Variants in HYCC1 observed in about 807,000 individuals in gnomAD.
The protein encoded by HYCC1 is hyccin.
At chr7:22,913,932 G>A in the HYCC1 span, among the ~76,000 whole-genome samples, 1 of 152,194 alleles carries the variant, frequency 6.6e-6, no homozygotes, top group Non-Finnish European at 1.5e-5. Context: ...CAGGTCCTCA[G>A]AACAACCAGC....
the HYCC1 span, chr7:22,938,597 T>A: frequency 6.6e-6 from 1 of 152,182 alleles, no homozygotes; most frequent in Non-Finnish European, 1.5e-5. Context: ...TAGAATCATT[T>A]TTCTATGTCA....
the HYCC1 span, among the ~76,000 whole-genome samples, chr7:22,927,244 C>A: frequency 2.2e-4 from 34 of 151,798 alleles, no homozygotes; most frequent in Admixed American, 2.2e-3. Flanking sequence ...AGATCTAAAA[C>A]TGACACCCTA....
At chr7:22,964,892 T>G in the HYCC1 span, among the ~76,000 whole-genome samples, 1 of 152,216 alleles carries the variant, frequency 6.6e-6, no homozygotes, top group Middle Eastern at 3.4e-3. Context: ...CTCAACACTT[T>G]GGGAGGCCAA....
At chr7:23,001,980 C>T in the HYCC1 span, among the ~76,000 whole-genome samples, 3 of 151,324 alleles carry the variant, frequency 2.0e-5, no homozygotes, top group South Asian at 4.2e-4. Context: ...GGGAAAACTG[C>T]CTCCAAACGA....
At chr7:23,002,156 A>ACACAAT in the HYCC1 span, among the ~76,000 whole-genome samples, 3 of 24,444 alleles carry the variant, frequency 1.2e-4, no homozygotes, top group Admixed American at 1.1e-3. Flanking sequence ...ATATATATAT[A>ACACAAT]TATATATATA....
At chr7:22,940,000 T>C in the HYCC1 span, 2 of 152,190 alleles carry the variant, frequency 1.3e-5, no homozygotes, top group Non-Finnish European at 2.9e-5. Context: ...AAAGTCGGGT[T>C]GTAGGAGGTG....
At chr7:22,914,413 G>C in the HYCC1 span, among the ~76,000 whole-genome samples, 3 of 151,856 alleles carry the variant, frequency 2.0e-5, no homozygotes, top group African/African-American at 7.3e-5. Flanking sequence ...TTCTCCCTTA[G>C]CCTGTGTTCT....
At chr7:22,976,879 T>C in the HYCC1 span, 3 of 874,284 alleles carry the variant, frequency 3.4e-6, no homozygotes, top group African/African-American at 5.0e-5. Context: ...AGAATATATA[T>C]ATACCACTAA....
chr7:22,975,459 C>T, the HYCC1 span, among the ~76,000 whole-genome samples: 11 of 152,170 alleles, frequency 7.2e-5, no homozygotes, highest in African/African-American at 2.6e-4. Context: ...TATTTTATAA[C>T]CCCTTGGCTC....
the HYCC1 span, among the ~76,000 whole-genome samples, chr7:22,974,245 C>T: frequency 3.6e-4 from 55 of 152,238 alleles, no homozygotes; most frequent in African/African-American, 1.3e-3. Flanking sequence ...AATTATTTTC[C>T]TTCCCTTCCA....
At chr7:22,968,328 A>G in the HYCC1 span, among the ~76,000 whole-genome samples, 1 of 152,162 alleles carries the variant, frequency 6.6e-6, no homozygotes, top group African/African-American at 2.4e-5. Context: ...CCCCACTTGC[A>G]GGATAGAAGG....
the HYCC1 span, chr7:22,942,784 C>T: frequency 6.6e-6 from 1 of 152,184 alleles, no homozygotes; most frequent in Admixed American, 6.5e-5. Flanking sequence ...TTTGAAAGTT[C>T]AGTGGGGAGA....
At chr7:22,986,851 A>C in the HYCC1 span, among the ~76,000 whole-genome samples, 10 of 152,114 alleles carry the variant, frequency 6.6e-5, no homozygotes, top group African/African-American at 1.9e-4. Context: ...CTGTCTCAAA[A>C]AACAACAACA....
the HYCC1 span, among the ~76,000 whole-genome samples, chr7:22,960,943 C>G: frequency 1.3e-5 from 2 of 152,062 alleles, no homozygotes; most frequent in Non-Finnish European, 2.9e-5. Flanking sequence ...CCCAGCTACT[C>G]GGGAGGCCGA....
chr7:22,967,371 C>T, the HYCC1 span, among the ~76,000 whole-genome samples: 1 of 152,114 alleles, frequency 6.6e-6, no homozygotes, highest in Non-Finnish European at 1.5e-5. Flanking sequence ...TAGGAAAGTT[C>T]AAAGGCAGAG....
At chr7:22,907,519 A>G in the HYCC1 span, among the ~76,000 whole-genome samples, 1 of 152,196 alleles carries the variant, frequency 6.6e-6, no homozygotes. Flanking sequence ...AATGAGCCAA[A>G]TATTTTCCTG....
chr7:22,918,290 C>T, the HYCC1 span, among the ~76,000 whole-genome samples: 1 of 152,148 alleles, frequency 6.6e-6, no homozygotes, highest in Non-Finnish European at 1.5e-5. Flanking sequence ...TCAATTCATA[C>T]AAAACCATAT....
the HYCC1 span, among the ~76,000 whole-genome samples, chr7:22,915,126 A>C: frequency 1.3e-5 from 2 of 152,136 alleles, no homozygotes. Flanking sequence ...CCAGAAGGCC[A>C]TCTTATTCTC....
the HYCC1 span, among the ~76,000 whole-genome samples, chr7:22,981,175 G>C: frequency 6.6e-6 from 1 of 152,082 alleles, no homozygotes; most frequent in African/African-American, 2.4e-5. Context: ...TCACTAACTA[G>C]AAAACAAGTT....
Sources: allele counts gnomAD v4.1 joint callset (sites outside exome capture counted in the v4.1 genomes callset), GRCh38; gene constraint gnomAD v4.1.1; transcripts MANE v1.5; gene names NCBI Gene and HGNC (gene_info 2026-07-23, HGNC 2026-07-21).